ANK3: variants seen among roughly 807,000 people sequenced by gnomAD.
ANK3 encodes ankyrin-3.
ANK3 carries 57 observed loss-of-function variants against 370.9 expected under a neutral mutation model. That is an observed-to-expected ratio of 0.15 (90% CI 0.12 to 0.19). The LOEUF (loss-of-function observed/expected upper bound fraction) is 0.19, where lower values mean the gene tolerates loss of function less well. Ranked by LOEUF, ANK3 falls within the 10% of genes least tolerant of loss-of-function variation. The pLI, the probability that ANK3 is intolerant of heterozygous loss-of-function variation, is 1.00. For missense variants in ANK3, 4,439 were observed against 5,302.1 expected (o/e 0.84, Z 5.06); for synonymous variants, 1,929 against 1,946.3 (o/e 0.99, Z 0.23).
chr10:60,671,243 T>A (rs1384584042), intron 1 of ANK3, among the ~76,000 whole-genome samples: 1 of 152,222 alleles, frequency 6.6e-6, no homozygotes, highest in African/African-American at 2.4e-5. Flanking sequence ...CACCTGTCCC[T>A]CACCATCCTC....
chr10:60,444,444 G>GTGTGTGTGTATA (rs386361850), intron 2 of ANK3, among the ~76,000 whole-genome samples: 2 of 148,786 alleles, frequency 1.3e-5, no homozygotes, highest in Non-Finnish European at 3.0e-5. Context: ...GTGTGTGTGT[G>GTGTGTGTGTATA]TATATATATA....
At position 60,072,847 on chromosome 10, in the gene ANK3, G is replaced by A. The variant is rs752623388; in HGVS notation, c.8034C>T (p.Leu2678=). 6.2e-7 allele frequency: 1 copy of A among 1,614,090 alleles called. No homozygotes were observed. Among genetic ancestry groups the A allele is most frequent in the Non-Finnish European group, 8.5e-7 (1 of 1,179,998 alleles). Reference sequence around the variant, plus strand: ...ACTTGCTGTCCTCAGTCTGTTGGGAGAGAACCATCTTCTCTGGGCTGCTGG... The same window carrying A: ...ACTTGCTGTCCTCAGTCTGTTGGGAAAGAACCATCTTCTCTGGGCTGCTGG... ...SLPSSPEKMV[L]SQQTEDSKST... is the part of the protein sequence containing the mutation. Residue 2678 remains leucine, a synonymous_variant, in exon 37 of 44, where the codon CTC becomes CTT. Coordinates refer to ENST00000280772, the MANE Select transcript of ANK3 (RefSeq NM_020987.5).
intron 2 of ANK3, among the ~76,000 whole-genome samples, chr10:60,559,266 C>A (rs1319322260): frequency 6.6e-6 from 1 of 152,148 alleles, no homozygotes; most frequent in East Asian, 1.9e-4. Flanking sequence ...TCACCACCCC[C>A]CAACCCTTTC....
chr10:60,719,653 C>G (rs1474197061), intron 1 of ANK3, among the ~76,000 whole-genome samples: 2 of 151,844 alleles, frequency 1.3e-5, no homozygotes, highest in Non-Finnish European at 2.9e-5. Flanking sequence ...CTATTCATAC[C>G]CCAGAGCCAT....
chr10:60,395,616 CGT>C (rs1182456958), intron 2 of ANK3, among the ~76,000 whole-genome samples: 9,070 of 65,626 alleles, frequency 0.14, 368 homozygotes, highest in East Asian at 0.19. Flanking sequence ...TTCTCTCTTT[CGT>C]TCTCTCTCTC....
intron 2 of ANK3, among the ~76,000 whole-genome samples, chr10:60,614,952 A>C (rs962561583): frequency 1.3e-5 from 2 of 152,164 alleles, no homozygotes; most frequent in African/African-American, 4.8e-5. Flanking sequence ...GCACCAAGGA[A>C]TTATCCTACC....
intron 2 of ANK3, among the ~76,000 whole-genome samples, chr10:60,576,910 G>C (rs1196181535): frequency 1.3e-5 from 2 of 152,194 alleles, no homozygotes; most frequent in African/African-American, 4.8e-5. Context: ...GCTCTGAAGA[G>C]CTTTCTTTGC....
At chr10:60,306,258 T>C (rs1311151530) in intron 1 of ANK3, among the ~76,000 whole-genome samples, 3 of 152,018 alleles carry the variant, frequency 2.0e-5, no homozygotes, top group Non-Finnish European at 4.4e-5. Context: ...CCTTATGCCT[T>C]TGTGTCCATC....
intron 18 of ANK3, among the ~76,000 whole-genome samples, chr10:60,179,042 T>A (rs2132336186): frequency 6.6e-6 from 1 of 152,292 alleles, no homozygotes; most frequent in East Asian, 1.9e-4. Flanking sequence ...TTTTTATTAT[T>A]ATTAATTATT....
intron 2 of ANK3, among the ~76,000 whole-genome samples, chr10:60,608,370 C>T (rs1288931557): frequency 6.6e-6 from 1 of 152,096 alleles, no homozygotes; most frequent in Non-Finnish European, 1.5e-5. Context: ...ATATATATGT[C>T]CTACTTTTCT....
intron 2 of ANK3, among the ~76,000 whole-genome samples, chr10:60,609,683 A>G (rs909967145): frequency 9.9e-5 from 15 of 152,164 alleles, no homozygotes; most frequent in African/African-American, 3.6e-4. Flanking sequence ...ACTGCACTGC[A>G]TCAAAGAAAT....
intron 1 of ANK3, among the ~76,000 whole-genome samples, chr10:60,298,635 C>G (rs977902661): frequency 2.0e-5 from 3 of 152,082 alleles, no homozygotes; most frequent in African/African-American, 2.4e-5. Context: ...AAACAGCATG[C>G]CCACCAAAAC....
intron 1 of ANK3, among the ~76,000 whole-genome samples, chr10:60,296,904 T>C (rs1256011951): frequency 1.3e-5 from 2 of 152,286 alleles, no homozygotes; most frequent in South Asian, 2.1e-4. Flanking sequence ...CGCTTGAACC[T>C]GGGAGTTCAA....
At chr10:60,321,190 G>C (rs1026033537) in intron 1 of ANK3, among the ~76,000 whole-genome samples, 2 of 152,004 alleles carry the variant, frequency 1.3e-5, no homozygotes, top group East Asian at 3.9e-4. Context: ...CGGAGTTTGA[G>C]ACCAGCCTGG....
intron 26 of ANK3, among the ~76,000 whole-genome samples, chr10:60,111,051 A>C (rs1175817588): frequency 6.6e-6 from 1 of 152,202 alleles, no homozygotes; most frequent in African/African-American, 2.4e-5. Flanking sequence ...GAATGAACCA[A>C]TGAATAAAAC....
At chr10:60,417,057 G>C (rs756833496) in intron 2 of ANK3, among the ~76,000 whole-genome samples, 1 of 152,198 alleles carries the variant, frequency 6.6e-6, no homozygotes, top group Non-Finnish European at 1.5e-5. Context: ...GGCTAGGAAA[G>C]ATATCCAGAT....
chr10:60,535,823 A>T (rs1025840963), intron 2 of ANK3, among the ~76,000 whole-genome samples: 3 of 152,088 alleles, frequency 2.0e-5, no homozygotes, highest in Admixed American at 6.6e-5. Flanking sequence ...CACTGTGGGG[A>T]GATGATTAGA....
intron 1 of ANK3, among the ~76,000 whole-genome samples, chr10:60,716,312 T>C (rs955337888): frequency 6.6e-5 from 10 of 152,150 alleles, no homozygotes; most frequent in Admixed American, 6.5e-4. Context: ...AATCAGAGTA[T>C]TGCTTCTCAT....
At chr10:60,128,999 A>G in intron 25 of ANK3, among the ~76,000 whole-genome samples, 1 of 152,256 alleles carries the variant, frequency 6.6e-6, no homozygotes, top group South Asian at 2.1e-4. Context: ...ATGCTATTAC[A>G]TTCATCCCAG....
Sources: gnomAD v4.1 joint callset for allele counts (sites outside exome capture counted in the v4.1 genomes callset) on GRCh38, gnomAD v4.1.1 for gene constraint, MANE v1.5 for transcripts, NCBI Gene and HGNC (gene_info 2026-07-23, HGNC 2026-07-21) for gene names.